ECPAS: variants seen among roughly 807,000 people sequenced by gnomAD.
The protein encoded by ECPAS is Ecm29 proteasome adaptor and scaffold, also known as proteasome adapter and scaffold protein ECM29.
A neutral mutation model predicts 255.1 loss-of-function variants in ECPAS; 70 were observed. That is an observed-to-expected ratio of 0.27 (90% CI 0.23 to 0.33). The LOEUF is 0.33. Ranked by LOEUF, ECPAS falls within the 10% of genes least tolerant of loss-of-function variation. ECPAS has a pLI of 1.00. For missense variants in ECPAS, 1,817 were observed against 2,206.4 expected (o/e 0.82, Z 3.54); for synonymous variants, 784 against 775.0 (o/e 1.01, Z -0.19).
chr9:111,414,780 T>G, intron 18 of ECPAS, 129 bp from the exon 19 acceptor site: 3 of 778,124 alleles, frequency 3.9e-6, no homozygotes, highest in Non-Finnish European at 5.7e-6. Flanking sequence ...CCAATCCTCA[T>G]GGAAGGCAGA....
chr9:111,369,015 A>C lies in ECPAS; in HGVS notation c.5113+20T>G. The C allele has an allele frequency of 6.5e-7, 1 of 1,530,936 alleles. No homozygotes were observed. The highest frequency in any genetic ancestry group is 2.4e-5 in the Admixed American group (1 of 41,954). 94.8% of individuals were successfully genotyped at this position (1,530,936 alleles called of 1,614,324 possible). Reference sequence around the variant, plus strand: ...GTAACCTCTGGTTACAGCACTTCAAATGCAGTTTCTGGTGCTTACGTTGGG... The same window carrying C: ...GTAACCTCTGGTTACAGCACTTCAACTGCAGTTTCTGGTGCTTACGTTGGG... On this transcript the variant is annotated intron_variant, in intron 46 of 49. Coordinates refer to ENST00000684092, the MANE Select transcript of ECPAS (RefSeq NM_001364929.1).
At position 111,383,257 on chromosome 9, in the gene ECPAS, G is replaced by A. The variant is rs1173348965; in HGVS notation, c.3757C>T (p.Leu1253=). The change falls in exon 35 of 50, where the codon CTG becomes TTG. Residue 1253 remains leucine (L), a synonymous_variant. Coordinates refer to ENST00000684092, the MANE Select transcript of ECPAS (RefSeq NM_001364929.1). ...RTIAALLPCL[L]DKGMMSTVTE... ...ACGGTGCTCATCATTCCTTTGTCCAGAAGGCAAGGCAGAAGGGCAGCGATG... is the reference window on the plus strand; with the variant it reads ...ACGGTGCTCATCATTCCTTTGTCCAAAAGGCAAGGCAGAAGGGCAGCGATG... 15 of 1,613,656 alleles carry A rather than the reference G, an allele frequency of 9.3e-6. No homozygotes were observed. Among genetic ancestry groups the A allele is most frequent in the African/African-American group, 1.3e-5 (1 of 74,918 alleles).
At chr9:111,456,807 G>GT in intron 2 of ECPAS, among the ~76,000 whole-genome samples, 1 of 152,212 alleles carries the variant, frequency 6.6e-6, no homozygotes, top group African/African-American at 2.4e-5. Context: ...TCTACCATGC[G>GT]TAAGAGCTTG....
chr9:111,463,305 T>A (rs1282280531), intron 2 of ECPAS, among the ~76,000 whole-genome samples: 1 of 152,232 alleles, frequency 6.6e-6, no homozygotes, highest in Non-Finnish European at 1.5e-5. Flanking sequence ...TCTCTCACTG[T>A]GTCCCCAGCA....
chr9:111,465,148 A>T (rs759910317), intron 2 of ECPAS, among the ~76,000 whole-genome samples: 22 of 152,170 alleles, frequency 1.4e-4, no homozygotes, highest in East Asian at 5.8e-4. Flanking sequence ...CAAAATAAAT[A>T]AATTAATTAA....
chr9:111,433,982 A>T (rs2131858764), intron 7 of ECPAS, among the ~76,000 whole-genome samples: 1 of 152,352 alleles, frequency 6.6e-6, no homozygotes, highest in South Asian at 2.1e-4. Context: ...GACTAGAGAG[A>T]TTCTGCTTAG....
At chr9:111,372,930 G>T (rs773439530) in intron 41 of ECPAS, among the ~76,000 whole-genome samples, 6 of 152,080 alleles carry the variant, frequency 3.9e-5, no homozygotes, top group Non-Finnish European at 7.4e-5. Flanking sequence ...TACTCAGGAG[G>T]CTGAGACACA....
At chr9:111,399,986 G>C (rs1270422315) in intron 24 of ECPAS, among the ~76,000 whole-genome samples, 1 of 152,266 alleles carries the variant, frequency 6.6e-6, no homozygotes, top group African/African-American at 2.4e-5. Flanking sequence ...ACCCAGCATG[G>C]TGCTAGCTGC....
At chr9:111,381,494 G>A (rs1181300085) in intron 35 of ECPAS, among the ~76,000 whole-genome samples, 9 of 152,164 alleles carry the variant, frequency 5.9e-5, no homozygotes. Context: ...ACCAAAATAT[G>A]ACATAGAGAT....
intron 46 of ECPAS, among the ~76,000 whole-genome samples, chr9:111,367,398 C>A (rs1393880404): frequency 6.6e-6 from 1 of 152,104 alleles, no homozygotes; most frequent in East Asian, 1.9e-4. Flanking sequence ...AAAGAAAAGG[C>A]CTTGGTTCTC....
chr9:111,413,817 C>T (rs1366698687), intron 20 of ECPAS, 78 bp downstream of exon 20: 22 of 883,188 alleles, frequency 2.5e-5, no homozygotes, highest in Admixed American at 5.3e-5. Context: ...ATAGGGATCC[C>T]GCTGGCAGGA....
chr9:111,370,906 T>C (rs2098126546), intron 43 of ECPAS, 141 bp from the exon 44 acceptor site: 1 of 757,572 alleles, frequency 1.3e-6, no homozygotes, highest in East Asian at 2.7e-5. Context: ...CTTTAATGCA[T>C]AATTTTAAGC....
chr9:111,415,238 T>G (rs2098201433), intron 18 of ECPAS, among the ~76,000 whole-genome samples: 1 of 120,672 alleles, frequency 8.3e-6, no homozygotes, highest in Non-Finnish European at 2.0e-5. Context: ...CGTGTGTGTG[T>G]GTGTGTGTGT....
chr9:111,467,246 A>AAGAGAAGAGAAG (rs908983435), intron 2 of ECPAS, among the ~76,000 whole-genome samples: 1 of 152,138 alleles, frequency 6.6e-6, no homozygotes, highest in African/African-American at 2.4e-5. Context: ...GAGATGAGAA[A>AAGAGAAGAGAAG]AGAGAAGAGA....
At chr9:111,482,866 C>T (rs2098308422) in intron 1 of ECPAS, among the ~76,000 whole-genome samples, 1 of 152,126 alleles carries the variant, frequency 6.6e-6, no homozygotes, top group Non-Finnish European at 1.5e-5. Flanking sequence ...CACCGCTCTC[C>T]CCAGACAGGG....
rs2098112602 is a variant in ECPAS at position 111,360,845 on chromosome 9, A to G, written c.*1185T>C. The G allele has an allele frequency of 6.6e-6, 1 of 152,216 alleles. No individual in the cohort carries two copies. Among genetic ancestry groups the G allele is most frequent in the African/African-American group, 2.4e-5 (1 of 41,464 alleles). The allele number at this position is 152,216 out of a possible 1,614,324, so 9.4% of individuals were successfully genotyped here. On this transcript the variant is annotated 3_prime_UTR_variant, in exon 50 of 50. Transcript: ENST00000684092. Reference sequence around the variant, plus strand: ...GGTGTTAACGTCAATAAGGATGAGTACTGAATGTAAACCAGTCTTCTGCTC... The same window carrying G: ...GGTGTTAACGTCAATAAGGATGAGTGCTGAATGTAAACCAGTCTTCTGCTC...
intron 48 of ECPAS, 128 bp downstream of exon 48, chr9:111,366,108 TATA>T (rs1452482943): frequency 1.6e-6 from 1 of 607,630 alleles, no homozygotes; most frequent in African/African-American, 1.9e-5. Flanking sequence ...ACACATGGAG[TATA>T]ATAAGTAGCA....
intron 48 of ECPAS, among the ~76,000 whole-genome samples, chr9:111,363,974 C>A (rs1475386806): frequency 1.3e-5 from 2 of 152,154 alleles, no homozygotes; most frequent in African/African-American, 4.8e-5. Context: ...ACAAAATCAT[C>A]TTCGTATCAC....
intron 2 of ECPAS, among the ~76,000 whole-genome samples, chr9:111,462,035 CAAG>C (rs1173874588): frequency 1.2e-4 from 18 of 152,134 alleles, no homozygotes; most frequent in African/African-American, 4.3e-4. Flanking sequence ...ATGGGAGCTA[CAAG>C]ATGAGATTTG....
Sources: allele counts gnomAD v4.1 joint callset (sites outside exome capture counted in the v4.1 genomes callset), GRCh38; gene constraint gnomAD v4.1.1; transcripts MANE v1.5; gene names NCBI Gene and HGNC (gene_info 2026-07-23, HGNC 2026-07-21).